Variants in ZBTB20 observed in about 807,000 individuals in gnomAD.
The protein encoded by ZBTB20 is zinc finger and BTB domain-containing protein 20.
A neutral mutation model predicts 56.9 loss-of-function variants in ZBTB20; 9 were observed. The ratio of observed to expected loss-of-function variants is 0.16; its 90% confidence interval spans 0.10 to 0.28. The LOEUF (loss-of-function observed/expected upper bound fraction) is 0.28, where lower values mean the gene tolerates loss of function less well. ZBTB20 is among the 10% of genes least tolerant of loss of function. The pLI is 1.00. For missense variants in ZBTB20, 655 were observed against 1,003.0 expected, an observed-to-expected ratio of 0.65 and a Z score of 4.69; for synonymous variants, 417 against 420.7, an observed-to-expected ratio of 0.99 and a Z score of 0.11.
At chr3:114,549,406 AAT>A (rs2050282157) in intron 6 of ZBTB20, among the ~76,000 whole-genome samples, 1 of 152,202 alleles carries the variant, frequency 6.6e-6, no homozygotes. Flanking sequence ...TTATCAAAGT[AAT>A]AGCAAAATTC....
At chr3:115,145,645 A>C (rs992658551) in intron 1 of ZBTB20, among the ~76,000 whole-genome samples, 1 of 152,240 alleles carries the variant, frequency 6.6e-6, no homozygotes, top group Admixed American at 6.5e-5. Context: ...TTAAATCCAC[A>C]GATGCAGAAC....
At chr3:114,572,654 T>C (rs2053564135) in intron 6 of ZBTB20, among the ~76,000 whole-genome samples, 1 of 152,202 alleles carries the variant, frequency 6.6e-6, no homozygotes, top group African/African-American at 2.4e-5. Context: ...CACTATGCCA[T>C]TGGCTAATGT....
intron 6 of ZBTB20, among the ~76,000 whole-genome samples, chr3:114,579,649 T>TCTTTTTCTAGATTC (rs2054444229): frequency 6.6e-6 from 1 of 151,390 alleles, no homozygotes; most frequent in Non-Finnish European, 1.5e-5. Context: ...AAGCCAGTTT[T>TCTTTTTCTAGATTC]TGTAAAGAAG....
chr3:114,742,760 T>A (rs2066709172), intron 5 of ZBTB20, among the ~76,000 whole-genome samples: 1 of 152,094 alleles, frequency 6.6e-6, no homozygotes, highest in South Asian at 2.1e-4. Context: ...CTGGCAAGCT[T>A]TTAAAACCTA....
chr3:114,441,278 T>G (rs1175348381), intron 7 of ZBTB20, among the ~76,000 whole-genome samples: 1 of 152,194 alleles, frequency 6.6e-6, no homozygotes, highest in African/African-American at 2.4e-5. Context: ...TTTCTGCCAC[T>G]CCGGCTCATT....
chr3:114,584,380 C>T (rs963443076), intron 6 of ZBTB20, among the ~76,000 whole-genome samples: 9 of 152,020 alleles, frequency 5.9e-5, no homozygotes, highest in African/African-American at 2.2e-4. Context: ...TATGGAAATC[C>T]TATTAGGAAC....
At chr3:114,541,864 A>G (rs548756562) in intron 6 of ZBTB20, among the ~76,000 whole-genome samples, 58 of 152,304 alleles carry the variant, frequency 3.8e-4, no homozygotes, top group African/African-American at 1.3e-3. Flanking sequence ...TGTTATTATC[A>G]GAGTAAGAAT....
intron 7 of ZBTB20, among the ~76,000 whole-genome samples, chr3:114,496,217 C>A (rs1430874030): frequency 6.6e-6 from 1 of 152,160 alleles, no homozygotes; most frequent in African/African-American, 2.4e-5. Flanking sequence ...AATTCCTGAG[C>A]TCTGAAACAT....
intron 2 of ZBTB20, among the ~76,000 whole-genome samples, chr3:115,054,007 T>C (rs1164441494): frequency 6.6e-6 from 1 of 152,134 alleles, no homozygotes; most frequent in Non-Finnish European, 1.5e-5. Flanking sequence ...ATTAGTTCTT[T>C]ACTCTGTAAG....
chr3:114,654,443 T>C (rs1332371776), intron 6 of ZBTB20, among the ~76,000 whole-genome samples: 1 of 151,886 alleles, frequency 6.6e-6, no homozygotes, highest in African/African-American at 2.4e-5. Flanking sequence ...TTGTTTTCTT[T>C]TTTTATTTCT....
At chr3:114,809,484 T>C (rs979817652) in intron 4 of ZBTB20, among the ~76,000 whole-genome samples, 1 of 152,112 alleles carries the variant, frequency 6.6e-6, no homozygotes, top group African/African-American at 2.4e-5. Context: ...ATTTCCATTA[T>C]AATATTTTTT....
rs1420028951 is a variant in ZBTB20 at position 114,837,391 on chromosome 3, A to G, written c.-416-36217T>C. Reference sequence around the variant, plus strand: ...CTTACCCCCAAACTTAGTAACTTAAAAAAGCAAACACCATTCCACAGTTTC... The same window carrying G: ...CTTACCCCCAAACTTAGTAACTTAAGAAAGCAAACACCATTCCACAGTTTC... On this transcript the variant is annotated intron_variant, in intron 4 of 11. Transcript: ENST00000675478. Among the ~76,000 whole-genome samples the G allele has an allele frequency of 2.0e-5, 3 of 152,308 alleles. No homozygotes were observed. In the East Asian group the frequency reaches 5.8e-4, roughly 29 times the overall value.
chr3:114,418,006 C>T (rs1042726230), intron 7 of ZBTB20, among the ~76,000 whole-genome samples: 22 of 152,028 alleles, frequency 1.4e-4, no homozygotes, highest in Non-Finnish European at 2.9e-5. Flanking sequence ...GGTACGCCCA[C>T]CTTGGGTAAA....
chr3:114,355,282 C>G (rs151332500), intron 10 of ZBTB20, among the ~76,000 whole-genome samples: 1 of 152,028 alleles, frequency 6.6e-6, no homozygotes, highest in Non-Finnish European at 1.5e-5. Flanking sequence ...AAGACTCTTG[C>G]GATAATATTG....
chr3:114,924,590 T>C (rs1021989631), intron 3 of ZBTB20, among the ~76,000 whole-genome samples: 4 of 152,142 alleles, frequency 2.6e-5, no homozygotes, highest in African/African-American at 9.7e-5. Context: ...GATTAAAGGG[T>C]ACAACATTTC....
intron 1 of ZBTB20, among the ~76,000 whole-genome samples, chr3:115,077,702 C>T (rs1051271662): frequency 3.9e-5 from 6 of 152,132 alleles, no homozygotes; most frequent in East Asian, 3.9e-4. Context: ...TTGCCTCACA[C>T]CTGTCAGGGC....
At chr3:114,516,264 C>T (rs1003772704) in intron 6 of ZBTB20, among the ~76,000 whole-genome samples, 7 of 152,178 alleles carry the variant, frequency 4.6e-5, no homozygotes, top group Admixed American at 3.3e-4. Context: ...TCTCAGCAGT[C>T]TTCCCCACAT....
At chr3:115,081,151 AGG>A (rs2082782671) in intron 1 of ZBTB20, among the ~76,000 whole-genome samples, 7 of 152,282 alleles carry the variant, frequency 4.6e-5, no homozygotes, top group Admixed American at 4.6e-4. Flanking sequence ...TGGGTATTAA[AGG>A]CAAATACCTC....
chr3:114,427,002 T>C (rs2089732949), intron 7 of ZBTB20, among the ~76,000 whole-genome samples: 1 of 152,220 alleles, frequency 6.6e-6, no homozygotes, highest in Non-Finnish European at 1.5e-5. Context: ...TTAAGTCTCA[T>C]GCTTTTTGAG....
Sources: allele counts gnomAD v4.1 joint callset (sites outside exome capture counted in the v4.1 genomes callset), GRCh38; gene constraint gnomAD v4.1.1; transcripts MANE v1.5; gene names NCBI Gene and HGNC (gene_info 2026-07-23, HGNC 2026-07-21).